The following MMS22L variants were observed in gnomAD, a reference collection of about 807,000 sequenced individuals.
MMS22L encodes MMS22 like, DNA repair protein, also known as protein MMS22-like.
Under a neutral mutation model 159.1 loss-of-function variants are expected in MMS22L, and 74 were observed. That is an observed-to-expected ratio of 0.47 (90% confidence interval 0.39 to 0.56). The LOEUF (loss-of-function observed/expected upper bound fraction) is 0.56. Ranked by LOEUF, MMS22L falls within the 20% of genes least tolerant of loss-of-function variation. MMS22L has a pLI of 0.00. For missense variants in MMS22L, 1,351 were observed against 1,422.1 expected, an observed-to-expected ratio of 0.95 and a Z score of 0.80; for synonymous variants, 517 against 506.9, an observed-to-expected ratio of 1.02 and a Z score of -0.27.
chr6:97,199,622 T>C (rs1321177660), intron 14 of MMS22L, among the ~76,000 whole-genome samples: 1 of 152,036 alleles, frequency 6.6e-6, no homozygotes, highest in Non-Finnish European at 1.5e-5. Context: ...CAGTAAATTA[T>C]ACAACCAGAA....
At chr6:97,194,534 T>C (rs941543895) in intron 14 of MMS22L, among the ~76,000 whole-genome samples, 7 of 152,170 alleles carry the variant, frequency 4.6e-5, no homozygotes, top group African/African-American at 1.2e-4. Context: ...CAATAAACAA[T>C]CTTTGATTTT....
chr6:97,270,066 A>G lies in MMS22L; in HGVS notation c.607-74T>C, dbSNP rs925785083. 6 of 1,138,408 alleles carry G rather than the reference A, an allele frequency of 5.3e-6. No homozygotes were observed. In the African/African-American group the frequency reaches 7.7e-5, roughly 15 times the overall value. 70.5% of individuals were successfully genotyped at this position (1,138,408 alleles called of 1,614,324 possible). A position where few individuals can be genotyped will look rare whatever the true frequency, so the allele number is the denominator to read the frequency against. On this transcript the variant is annotated intron_variant, in intron 6 of 24. Coordinates refer to ENST00000683635, the MANE Select transcript of MMS22L (RefSeq NM_001350599.2). ...TAGGTATTTCATAGCATGTCACAAT[A>G]CTCCTCCATAAACACAAGGATAAAG...
intron 19 of MMS22L, among the ~76,000 whole-genome samples, chr6:97,171,831 T>C (rs1803577888): frequency 6.6e-6 from 1 of 152,130 alleles, no homozygotes; most frequent in Non-Finnish European, 1.5e-5. Context: ...TCTCCAAAGT[T>C]TATACTTTGC....
chr6:97,159,948 G>GGT (rs1554256191), intron 22 of MMS22L, among the ~76,000 whole-genome samples: 5 of 97,180 alleles, frequency 5.1e-5, no homozygotes, highest in Non-Finnish European at 9.7e-5. Context: ...TATCATTTCT[G>GGT]TTTTTTTTTT....
chr6:97,256,121 T>A (rs1813779762), intron 9 of MMS22L, among the ~76,000 whole-genome samples: 1 of 152,120 alleles, frequency 6.6e-6, no homozygotes, highest in Non-Finnish European at 1.5e-5. Context: ...ACTGTATCCA[T>A]CAACACCTCC....
At chr6:97,197,910 C>A (rs1245212210) in intron 14 of MMS22L, among the ~76,000 whole-genome samples, 1 of 152,072 alleles carries the variant, frequency 6.6e-6, no homozygotes, top group Non-Finnish European at 1.5e-5. Flanking sequence ...CCAATCCTCC[C>A]CCACCCTGCA....
intron 6 of MMS22L, chr6:97,270,300 G>T (rs760177876): frequency 3.6e-5 from 18 of 503,196 alleles, no homozygotes; most frequent in East Asian, 5.5e-5. Context: ...GGCAGTAAAA[G>T]AATTTTTTAA....
chr6:97,226,448 G>A (rs1007675614), intron 14 of MMS22L, among the ~76,000 whole-genome samples: 1 of 152,040 alleles, frequency 6.6e-6, no homozygotes, highest in Non-Finnish European at 1.5e-5. Flanking sequence ...ATAAAAATTA[G>A]CTGTGCGTGG....
At chr6:97,168,329 C>T in intron 19 of MMS22L, 89 bp from the exon 20 acceptor site, 1 of 1,163,632 alleles carries the variant, frequency 8.6e-7, no homozygotes, top group Non-Finnish European at 1.2e-6. Context: ...ATTGAAAGCA[C>T]ATGGGACCAA....
intron 22 of MMS22L, among the ~76,000 whole-genome samples, chr6:97,154,858 C>T (rs1026642901): frequency 2.0e-5 from 3 of 152,096 alleles, no homozygotes; most frequent in African/African-American, 4.8e-5. Flanking sequence ...ATTACTGTTG[C>T]TTTGTAACAT....
At position 97,198,192 on chromosome 6, in the gene MMS22L, G is replaced by C. The variant is rs190037087; in HGVS notation, c.2040-11502C>G. Among the ~76,000 whole-genome samples, 180 of 152,238 alleles carry C rather than the reference G, an allele frequency of 1.2e-3. 1 individual carries two copies. The highest frequency in any genetic ancestry group is 4.1e-3 in the African/African-American group (171 of 41,544). On this transcript the variant is annotated intron_variant, in intron 14 of 24. Coordinates refer to ENST00000683635, the MANE Select transcript of MMS22L (RefSeq NM_001350599.2). ...GACCCTGAGAATACCCTGTTCGAGAGGCCACAGACAGCACTCAGGTCAACA... is the reference window on the plus strand; with the variant it reads ...GACCCTGAGAATACCCTGTTCGAGACGCCACAGACAGCACTCAGGTCAACA...
intron 18 of MMS22L, among the ~76,000 whole-genome samples, chr6:97,177,090 C>T (rs1804202257): frequency 6.6e-6 from 1 of 152,092 alleles, no homozygotes; most frequent in South Asian, 2.1e-4. Flanking sequence ...ATCCCACAAC[C>T]ATTCAATCTT....
At chr6:97,267,324 C>T (rs1815230278) in intron 8 of MMS22L, 1 of 152,012 alleles carries the variant, frequency 6.6e-6, no homozygotes, top group Non-Finnish European at 1.5e-5. Flanking sequence ...AACATTTATA[C>T]TACTTAAAAA....
chr6:97,169,985 GCAGT>G (rs1803360949), intron 19 of MMS22L, among the ~76,000 whole-genome samples: 1 of 152,062 alleles, frequency 6.6e-6, no homozygotes, highest in Non-Finnish European at 1.5e-5. Context: ...GGTGGGGAAG[GCAGT>G]CAGAGAGAGA....
At chr6:97,211,036 T>G (rs981963696) in intron 14 of MMS22L, among the ~76,000 whole-genome samples, 3 of 151,994 alleles carry the variant, frequency 2.0e-5, no homozygotes, top group African/African-American at 7.2e-5. Flanking sequence ...TACTATAAGC[T>G]CTACAAGTGC....
At chr6:97,268,036 G>C in intron 7 of MMS22L, 34 bp from the exon 8 acceptor site, 1 of 1,400,752 alleles carries the variant, frequency 7.1e-7, no homozygotes, top group East Asian at 2.6e-5. Flanking sequence ...TTAAAATACA[G>C]ATTTTACTAA....
intron 14 of MMS22L, among the ~76,000 whole-genome samples, chr6:97,209,395 C>A (rs1437651258): frequency 6.6e-6 from 1 of 151,954 alleles, no homozygotes; most frequent in Non-Finnish European, 1.5e-5. Context: ...TAGAGAATAT[C>A]TTGTGCTTTT....
intron 9 of MMS22L, among the ~76,000 whole-genome samples, chr6:97,258,505 G>GCA (rs1384071291): frequency 1.3e-5 from 2 of 151,988 alleles, no homozygotes; most frequent in African/African-American, 2.4e-5. Flanking sequence ...ATGGAGGTAT[G>GCA]CACACACACA....
At chr6:97,279,025 C>A in intron 3 of MMS22L, 127 bp from the exon 4 acceptor site, 5 of 646,564 alleles carry the variant, frequency 7.7e-6, no homozygotes, top group African/African-American at 1.8e-5. Flanking sequence ...TGATTAATAC[C>A]TTGTGAATGT....
Sources: allele counts gnomAD v4.1 joint callset (sites outside exome capture counted in the v4.1 genomes callset), GRCh38; gene constraint gnomAD v4.1.1; transcripts MANE v1.5; gene names NCBI Gene and HGNC (gene_info 2026-07-23, HGNC 2026-07-21).